ACTR3B: variants seen among roughly 807,000 people sequenced by gnomAD.
The protein encoded by ACTR3B is actin related protein 3B.
A neutral mutation model predicts 59.0 loss-of-function variants in ACTR3B; 8 were observed. The observed-to-expected ratio is 0.14, with a 90% CI of 0.08 to 0.24. The LOEUF is 0.24. ACTR3B is among the 10% of genes least tolerant of loss of function. The pLI, the probability that ACTR3B is intolerant of heterozygous loss-of-function variation, is 1.00. For synonymous variants in ACTR3B, 148 were observed against 197.9 expected (o/e 0.75, Z 2.12); for missense variants, 245 against 552.3 (o/e 0.44, Z 5.58).
At chr7:152,846,676 C>CG (rs1301700613) in intron 9 of ACTR3B, among the ~76,000 whole-genome samples, 1 of 138,892 alleles carries the variant, frequency 7.2e-6, no homozygotes, top group African/African-American at 2.7e-5. Context: ...CTCTAGTGCC[C>CG]GGGCTGTAGT....
At chr7:152,842,860 A>G (rs1797976425) in intron 9 of ACTR3B, among the ~76,000 whole-genome samples, 2 of 152,216 alleles carry the variant, frequency 1.3e-5, no homozygotes, top group Admixed American at 1.3e-4. Context: ...CTACCCTCCC[A>G]CCAACAGTGT....
chr7:152,846,379 G>A (rs1798285363), intron 9 of ACTR3B, among the ~76,000 whole-genome samples: 1 of 145,622 alleles, frequency 6.9e-6, no homozygotes, highest in African/African-American at 2.6e-5. Flanking sequence ...GCTGTAGTCT[G>A]TAGTGAGCCC....
At chr7:152,852,366 GTT>G (rs1490528377) in intron 10 of ACTR3B, 115 bp downstream of exon 10, 2 of 1,311,676 alleles carry the variant, frequency 1.5e-6, no homozygotes, top group Non-Finnish European at 2.0e-6. Context: ...AAAAACAAGT[GTT>G]CATCGCTTTC....
intron 9 of ACTR3B, among the ~76,000 whole-genome samples, chr7:152,833,142 G>C (rs1407497116): frequency 2.6e-5 from 4 of 152,220 alleles, no homozygotes; most frequent in Non-Finnish European, 4.4e-5. Flanking sequence ...AGAGAAGCTG[G>C]GCAGAGGCCA....
chr7:152,838,337 A>G (rs1225749374), intron 9 of ACTR3B, among the ~76,000 whole-genome samples: 2 of 152,000 alleles, frequency 1.3e-5, no homozygotes, highest in Non-Finnish European at 2.9e-5. Context: ...CATATACACC[A>G]TGGAATACTA....
chr7:152,799,888 G>A (rs1408690787), intron 2 of ACTR3B, among the ~76,000 whole-genome samples: 1 of 152,172 alleles, frequency 6.6e-6, no homozygotes, highest in Non-Finnish European at 1.5e-5. Flanking sequence ...TTACTGCTAA[G>A]TATATTCCCA....
At chr7:152,804,542 C>T (rs1590310421) in intron 4 of ACTR3B, among the ~76,000 whole-genome samples, 1 of 152,232 alleles carries the variant, frequency 6.6e-6, no homozygotes, top group Non-Finnish European at 1.5e-5. Context: ...AAGATGACCC[C>T]ATGTGAGGTG....
At chr7:152,793,822 T>C (rs1387642858) in intron 2 of ACTR3B, among the ~76,000 whole-genome samples, 1 of 151,598 alleles carries the variant, frequency 6.6e-6, no homozygotes, top group Non-Finnish European at 1.5e-5. Flanking sequence ...AGCAAGTCTT[T>C]TCTGACACTA....
chr7:152,800,485 A>G lies in ACTR3B; in HGVS notation c.101-46A>G, dbSNP rs767843623. 4.4e-6 allele frequency: 7 copies of G among 1,594,992 alleles called. No individual in the cohort carries two copies. The East Asian group carries it at 1.1e-4, about 26-fold the overall frequency. On this transcript the variant is annotated intron_variant, in intron 2 of 11. Coordinates refer to ENST00000256001, the MANE Select transcript of ACTR3B (RefSeq NM_020445.6). ...TATTATCCCTTTTGATCATTTAAAT[A>G]GATATGGATAGTGATAGAAATCTGT...
intron 1 of ACTR3B, among the ~76,000 whole-genome samples, chr7:152,763,248 G>C (rs2098096023): frequency 7.1e-6 from 1 of 141,132 alleles, no homozygotes; most frequent in Admixed American, 7.5e-5. Flanking sequence ...CCGAGAGGCG[G>C]AAGTTGCAGT....
intron 9 of ACTR3B, among the ~76,000 whole-genome samples, chr7:152,847,862 A>G (rs908503887): frequency 6.6e-6 from 1 of 151,942 alleles, no homozygotes; most frequent in Non-Finnish European, 1.5e-5. Context: ...CACTAGGAAT[A>G]CCTCCTTCAC....
At chr7:152,837,597 G>A (rs755034603) in intron 9 of ACTR3B, among the ~76,000 whole-genome samples, 3 of 152,352 alleles carry the variant, frequency 2.0e-5, no homozygotes, top group East Asian at 3.9e-4. Flanking sequence ...TCCTGATCCC[G>A]CCCCTCAGCT....
intron 2 of ACTR3B, among the ~76,000 whole-genome samples, chr7:152,798,332 T>G (rs182951362): frequency 1.8e-3 from 267 of 152,366 alleles, no homozygotes; most frequent in Middle Eastern, 3.4e-3. Flanking sequence ...TTTGTATGTC[T>G]TCTTTTGAGA....
At position 152,854,430 on chromosome 7, in the gene ACTR3B, C is replaced by G; in HGVS notation, c.1162-28C>G. ...CTTGACTTTCTTCTGAAATGAGTGTCTTTCTGTCTGCCTGTTGCCTCTCGT... is the reference window on the plus strand; with the variant it reads ...CTTGACTTTCTTCTGAAATGAGTGTGTTTCTGTCTGCCTGTTGCCTCTCGT... On this transcript the variant is annotated intron_variant, in intron 11 of 11. Coordinates refer to ENST00000256001, the MANE Select transcript of ACTR3B (RefSeq NM_020445.6). The surrounding 1 kb of genome is among the most constrained non-coding windows in gnomAD (Gnocchi z 4.9). The G allele has an allele frequency of 6.2e-7, 1 of 1,601,102 alleles. No individual in the cohort carries two copies. The highest frequency in any genetic ancestry group is 8.6e-7 in the Non-Finnish European group (1 of 1,168,278).
At chr7:152,826,232 G>C (rs1244499589) in intron 9 of ACTR3B, among the ~76,000 whole-genome samples, 1 of 151,994 alleles carries the variant, frequency 6.6e-6, no homozygotes, top group Non-Finnish European at 1.5e-5. Context: ...TATATTAAGT[G>C]AAAAAGGAAC....
chr7:152,819,845 T>G (rs1472597817), intron 6 of ACTR3B, among the ~76,000 whole-genome samples: 1 of 152,034 alleles, frequency 6.6e-6, no homozygotes. Context: ...TGAGTCCAGG[T>G]TGTTAGAATC....
At chr7:152,790,922 A>AG (rs1302274706) in intron 2 of ACTR3B, among the ~76,000 whole-genome samples, 5 of 152,118 alleles carry the variant, frequency 3.3e-5, no homozygotes, top group African/African-American at 1.2e-4. Context: ...TTAGGAAAGT[A>AG]GTCATGTCTT....
Position 152,853,511 on chromosome 7 carries a change from C to T in ACTR3B, c.1095C>T (p.Val365=), listed in dbSNP as rs1272806170. The change falls in exon 11 of 12, where the codon GTC becomes GTT. Residue 365 remains valine, a synonymous_variant. Transcript: ENST00000256001. ...GGRIKPKPVE[V]QVVTHHMQRY... ...TCTTCCAGCCGAAGCCTGTGGAGGTCCAGGTGGTCACGCATCACATGCAGC... is the reference window on the plus strand; with the variant it reads ...TCTTCCAGCCGAAGCCTGTGGAGGTTCAGGTGGTCACGCATCACATGCAGC... The T allele has an allele frequency of 7.4e-6, 12 of 1,613,784 alleles. 1 individual carries two copies. In the South Asian group the frequency reaches 1.3e-4, roughly 18 times the overall value.
rs142212798 is a variant in ACTR3B at position 152,828,674 on chromosome 7, C to A, written c.951+3552C>A. Among the ~76,000 whole-genome samples the A allele has an allele frequency of 6.4e-3, 977 of 152,328 alleles. 4 individuals carry two copies. The highest frequency in any genetic ancestry group is 0.011 in the Non-Finnish European group (723 of 68,030). On this transcript the variant is annotated intron_variant, in intron 9 of 11. Transcript: ENST00000256001. ...CTCATTCCTGTGTCTTAGGGGTGTG[C>A]CTTTCCTCTTGGTTCACTATGCAGT...
Sources: allele counts gnomAD v4.1 joint callset (sites outside exome capture counted in the v4.1 genomes callset), GRCh38; gene constraint gnomAD v4.1.1; non-coding constraint Gnocchi (gnomAD v3.1); transcripts MANE v1.5; gene names NCBI Gene and HGNC (gene_info 2026-07-23, HGNC 2026-07-21).